PAPSS2: variants seen among roughly 807,000 people sequenced by gnomAD.
PAPSS2 encodes bifunctional 3'-phosphoadenosine 5'-phosphosulfate synthase 2.
Under a neutral mutation model 66.5 loss-of-function variants are expected in PAPSS2, and 61 were observed. That is an observed-to-expected ratio of 0.92 (90% CI 0.75 to 1.14). The LOEUF (loss-of-function observed/expected upper bound fraction) is 1.14. Ranked by LOEUF, PAPSS2 falls within the 50% of genes most tolerant of loss-of-function variation. The pLI, the probability that PAPSS2 is intolerant of heterozygous loss-of-function variation, is 0.00. For synonymous variants in PAPSS2, 289 were observed against 287.5 expected, an observed-to-expected ratio of 1.01 and a Z score of -0.05; for missense variants, 708 against 789.6, an observed-to-expected ratio of 0.90 and a Z score of 1.24.
Position 87,746,072 on chromosome 10 carries a change from A to ATAATGC in PAPSS2, c.*102_*103insTAATGC, listed in dbSNP as rs1853935103. ...AAATTGCTTCTCAATGATGCATTTT[A>ATAATGC]ATCTTTTATAATGAAGTAAAAGTTG... On this transcript the variant is annotated 3_prime_UTR_variant, in exon 13 of 13. Transcript: ENST00000456849. 3.7e-6 allele frequency: 4 copies of ATAATGC among 1,074,860 alleles called. No homozygotes were observed. Among genetic ancestry groups the ATAATGC allele is most frequent in the Non-Finnish European group, 5.6e-6 (4 of 718,554 alleles). The allele number at this position is 1,074,860 out of a possible 1,614,324, so 66.6% of individuals were successfully genotyped here.
intron 9 of PAPSS2, among the ~76,000 whole-genome samples, chr10:87,730,930 G>C (rs1206305730): frequency 1.3e-5 from 2 of 152,232 alleles, no homozygotes; most frequent in Admixed American, 1.3e-4. Context: ...AGCAAGTGCT[G>C]ATGTAGGAGC....
At chr10:87,704,034 G>T in intron 1 of PAPSS2, 1 of 502,190 alleles carries the variant, frequency 2.0e-6, no homozygotes, top group Admixed American at 2.0e-5. Flanking sequence ...CTTTCAACAA[G>T]AAAAAGAAAA....
At chr10:87,711,752 C>T (rs1340812833) in intron 2 of PAPSS2, among the ~76,000 whole-genome samples, 1 of 152,096 alleles carries the variant, frequency 6.6e-6, no homozygotes, top group Non-Finnish European at 1.5e-5. Flanking sequence ...TCCCCCCCAC[C>T]CAAATCCTCC....
In PAPSS2 at chr10:87,673,120, G is replaced by A. The variant is rs996962485; in HGVS notation, c.27+13112G>A. 3.9e-5 allele frequency among the ~76,000 whole-genome samples: 6 copies of A among 152,330 alleles called. No homozygotes were observed. In the East Asian group the frequency reaches 7.7e-4, roughly 20 times the overall value. On this transcript the variant is annotated intron_variant, in intron 1 of 12. Coordinates refer to ENST00000456849, the MANE Select transcript of PAPSS2 (RefSeq NM_001015880.2). Reference sequence around the variant, plus strand: ...ATGCTTAGGCCCATGGCCTGTCAGCGTGTAACTCTATGTGTCTGAATTCAG... The same window carrying A: ...ATGCTTAGGCCCATGGCCTGTCAGCATGTAACTCTATGTGTCTGAATTCAG...
intron 1 of PAPSS2, among the ~76,000 whole-genome samples, chr10:87,677,186 T>G (rs1300095936): frequency 6.6e-6 from 1 of 152,052 alleles, no homozygotes; most frequent in Non-Finnish European, 1.5e-5. Context: ...AGAGCGAGAC[T>G]CCATCTCAAA....
At chr10:87,698,611 T>C (rs2131920067) in intron 1 of PAPSS2, among the ~76,000 whole-genome samples, 1 of 152,350 alleles carries the variant, frequency 6.6e-6, no homozygotes, top group East Asian at 1.9e-4. Context: ...TAAATGCATA[T>C]TGTGAAACTG....
chr10:87,731,083 T>A (rs1050149544), intron 9 of PAPSS2, among the ~76,000 whole-genome samples: 2 of 152,226 alleles, frequency 1.3e-5, no homozygotes, highest in African/African-American at 4.8e-5. Context: ...GAGAAGTCAA[T>A]GCCTGGCTTC....
chr10:87,711,313 A>T (rs997862963), intron 2 of PAPSS2, among the ~76,000 whole-genome samples: 2 of 152,282 alleles, frequency 1.3e-5, no homozygotes, highest in African/African-American at 4.8e-5. Context: ...TGCCTGGCAC[A>T]TAGTTAAGTT....
intron 1 of PAPSS2, among the ~76,000 whole-genome samples, chr10:87,667,519 A>G (rs2131894368): frequency 6.6e-6 from 1 of 152,332 alleles, no homozygotes; most frequent in African/African-American, 2.4e-5. Flanking sequence ...TCTCTGTACA[A>G]AAGAGCCACT....
At chr10:87,675,971 C>CTTTTTT (rs5786787) in intron 1 of PAPSS2, among the ~76,000 whole-genome samples, 2 of 127,950 alleles carry the variant, frequency 1.6e-5, no homozygotes, top group African/African-American at 3.1e-5. Context: ...TTCCACATTT[C>CTTTTTT]TTTTTTTTTT....
In PAPSS2 at chr10:87,714,203, C is replaced by A. The variant is rs7914388; in HGVS notation, c.520+21C>A. On this transcript the variant is annotated intron_variant, in intron 4 of 12. Transcript: ENST00000456849. The stretch of plus-strand genomic sequence containing the variant: ...TAAAGGTAAGAGAATTGGCTAGTAG[C>A]GTCTACCAGTTACATAGGCTGTCAG... 5,555 of 1,609,904 alleles carry A rather than the reference C, an allele frequency of 3.5e-3. 184 individuals are homozygous for A. The African/African-American group carries it at 0.064, about 18-fold the overall frequency.
At chr10:87,686,437 G>A (rs1013448335) in intron 1 of PAPSS2, among the ~76,000 whole-genome samples, 3 of 151,510 alleles carry the variant, frequency 2.0e-5, no homozygotes, top group African/African-American at 4.9e-5. Context: ...TCATTCTGGA[G>A]TCTGGAATCC....
chr10:87,668,587 C>A (rs1368961202), intron 1 of PAPSS2, among the ~76,000 whole-genome samples: 1 of 151,988 alleles, frequency 6.6e-6, no homozygotes, highest in Non-Finnish European at 1.5e-5. Context: ...ACTTTTCTTA[C>A]ATTTCCTCAT....
chr10:87,701,217 T>C (rs1350576974), intron 1 of PAPSS2, among the ~76,000 whole-genome samples: 3 of 148,948 alleles, frequency 2.0e-5, no homozygotes, highest in South Asian at 2.1e-4. Context: ...TATGTTTTTA[T>C]TTATATAATA....
chr10:87,698,224 A>G (rs1853259717), intron 1 of PAPSS2, among the ~76,000 whole-genome samples: 1 of 152,142 alleles, frequency 6.6e-6, no homozygotes, highest in Non-Finnish European at 1.5e-5. Flanking sequence ...ACTTGGTTGT[A>G]TGTATGTTTT....
At chr10:87,721,061 G>C (rs1186778116) in intron 7 of PAPSS2, among the ~76,000 whole-genome samples, 1 of 152,186 alleles carries the variant, frequency 6.6e-6, no homozygotes, top group Non-Finnish European at 1.5e-5. Context: ...GAGGGTGTGA[G>C]AGTACTCTGC....
At chr10:87,725,688 G>A (rs529813097) in intron 8 of PAPSS2, among the ~76,000 whole-genome samples, 60 of 151,980 alleles carry the variant, frequency 3.9e-4, no homozygotes, top group Non-Finnish European at 7.5e-4. Flanking sequence ...GGATCCCATA[G>A]ATTAGTGGGT....
chr10:87,721,665 A>G (rs770323182), intron 7 of PAPSS2, 91 bp from the exon 8 acceptor site: 69 of 828,650 alleles, frequency 8.3e-5, no homozygotes, highest in Non-Finnish European at 1.3e-4. Flanking sequence ...GTGAAGTGTC[A>G]TAATAGGAAT....
intron 1 of PAPSS2, among the ~76,000 whole-genome samples, chr10:87,686,694 G>C (rs931053295): frequency 3.3e-5 from 5 of 152,184 alleles, no homozygotes; most frequent in African/African-American, 1.2e-4. Flanking sequence ...ACTTACTGTT[G>C]TCCCATGATT....
Sources: gnomAD v4.1 joint callset for allele counts (sites outside exome capture counted in the v4.1 genomes callset) on GRCh38, gnomAD v4.1.1 for gene constraint, MANE v1.5 for transcripts, NCBI Gene and HGNC (gene_info 2026-07-23, HGNC 2026-07-21) for gene names.